Variants in GRM8 observed in about 807,000 individuals in gnomAD.
GRM8 encodes the protein glutamate metabotropic receptor 8.
A neutral mutation model predicts 87.2 loss-of-function variants in GRM8; 47 were observed. The observed-to-expected ratio is 0.54, with a 90% CI of 0.43 to 0.69. The LOEUF is 0.69. GRM8 is among the 30% of genes least tolerant of loss of function. The pLI is 0.00. For synonymous variants in GRM8, 396 were observed against 404.5 expected, an observed-to-expected ratio of 0.98 and a Z score of 0.25; for missense variants, 1,019 against 1,139.2, an observed-to-expected ratio of 0.89 and a Z score of 1.52.
chr7:126,468,078 C>T (rs1274365367), intron 9 of GRM8, among the ~76,000 whole-genome samples: 1 of 151,976 alleles, frequency 6.6e-6, no homozygotes, highest in Non-Finnish European at 1.5e-5. Context: ...TAAGATAATG[C>T]ATATGAAATT....
chr7:126,626,883 T>C (rs1342417981), intron 7 of GRM8, among the ~76,000 whole-genome samples: 1 of 152,138 alleles, frequency 6.6e-6, no homozygotes, highest in Non-Finnish European at 1.5e-5. Context: ...TGTAGAACCG[T>C]CTTAATAATT....
Position 127,012,794 on chromosome 7 carries a change from A to C in GRM8, c.727+93702T>G, listed in dbSNP as rs1432200002. Among the ~76,000 whole-genome samples, 3 of 152,136 alleles carry C rather than the reference A, an allele frequency of 2.0e-5. No homozygotes were observed. In the East Asian group the frequency reaches 5.8e-4, roughly 29 times the overall value. ...TTTTATTCCTTTTACACCTTATTTA[A>C]GGAGAAAATAATATCCTTGCTTCAG... On this transcript the variant is annotated intron_variant, in intron 3 of 10. Transcript: ENST00000339582.
chr7:126,469,991 G>C (rs1804972311), intron 9 of GRM8, among the ~76,000 whole-genome samples: 1 of 152,048 alleles, frequency 6.6e-6, no homozygotes, highest in Non-Finnish European at 1.5e-5. Context: ...CCAAAATGCT[G>C]ACAGTAATAT....
chr7:126,605,603 T>A (rs980641288), intron 8 of GRM8, among the ~76,000 whole-genome samples: 7 of 152,144 alleles, frequency 4.6e-5, no homozygotes, highest in South Asian at 2.1e-4. Flanking sequence ...TTGTACAAAT[T>A]TATACTATGG....
At chr7:126,802,556 C>T (rs1822835227) in intron 6 of GRM8, among the ~76,000 whole-genome samples, 1 of 152,114 alleles carries the variant, frequency 6.6e-6, no homozygotes, top group Admixed American at 6.5e-5. Context: ...GAGCTCCTGT[C>T]ATTTGAAATA....
At chr7:126,615,499 G>A (rs1412649260) in intron 7 of GRM8, among the ~76,000 whole-genome samples, 1 of 152,146 alleles carries the variant, frequency 6.6e-6, no homozygotes, top group Non-Finnish European at 1.5e-5. Flanking sequence ...ACATCATAAT[G>A]ACAGGATCAA....
At chr7:126,472,681 G>A (rs748659132) in intron 9 of GRM8, among the ~76,000 whole-genome samples, 6 of 152,174 alleles carry the variant, frequency 3.9e-5, no homozygotes, top group Non-Finnish European at 8.8e-5. Flanking sequence ...TCACTGCCAC[G>A]ACAATGGGGA....
chr7:126,496,824 T>C (rs1383891719), intron 9 of GRM8, among the ~76,000 whole-genome samples: 2 of 151,830 alleles, frequency 1.3e-5, no homozygotes, highest in Admixed American at 1.3e-4. Context: ...TTTCTCACAT[T>C]GTTCCTCACA....
At chr7:126,849,282 A>C (rs1796986928) in intron 6 of GRM8, among the ~76,000 whole-genome samples, 1 of 150,602 alleles carries the variant, frequency 6.6e-6, no homozygotes, top group Non-Finnish European at 1.5e-5. Flanking sequence ...ATGAGAAAGC[A>C]TATAGGGAAT....
chr7:126,751,639 A>C (rs1344915875), intron 7 of GRM8, among the ~76,000 whole-genome samples: 2 of 152,158 alleles, frequency 1.3e-5, no homozygotes, highest in Non-Finnish European at 2.9e-5. Context: ...GAGGCAAAGG[A>C]AGGCACCATT....
chr7:126,775,574 T>C (rs75434513), intron 6 of GRM8, among the ~76,000 whole-genome samples: 7,557 of 148,774 alleles, frequency 0.051, 281 homozygotes, highest in Middle Eastern at 0.12. Flanking sequence ...AATACAAGCA[T>C]GTTCAATTAT....
chr7:126,468,264 AT>A (rs11304903), intron 9 of GRM8, among the ~76,000 whole-genome samples: 120,171 of 151,850 alleles, frequency 0.79, 47,612 homozygotes, highest in Middle Eastern at 0.88. Context: ...TTGACATAAT[AT>A]TTGAAGGTTT....
intron 7 of GRM8, among the ~76,000 whole-genome samples, chr7:126,727,612 AT>A (rs1585687013): frequency 6.6e-6 from 1 of 152,160 alleles, no homozygotes; most frequent in East Asian, 1.9e-4. Flanking sequence ...TAATTCCAGG[AT>A]CTGGAAAGAA....
chr7:127,227,123 G>A (rs1426322749), intron 2 of GRM8, among the ~76,000 whole-genome samples: 1 of 152,248 alleles, frequency 6.6e-6, no homozygotes, highest in Admixed American at 6.5e-5. Flanking sequence ...AATCGCAAGG[G>A]TTAACAGAGG....
chr7:126,831,398 T>G (rs1015158401), intron 6 of GRM8, among the ~76,000 whole-genome samples: 1 of 152,196 alleles, frequency 6.6e-6, no homozygotes, highest in African/African-American at 2.4e-5. Flanking sequence ...TAAGCAAGCC[T>G]GGGCAATGGC....
In GRM8 at chr7:127,107,661, G is replaced by A. The variant is rs755561332; in HGVS notation, c.511-949C>T. ...GCTAATGTCAGTGCTCAAAGAGGAT[G>A]TCGGAGTTGCAGTTCCATCTTTCCC... On this transcript the variant is annotated intron_variant, in intron 2 of 10. Transcript: ENST00000339582. Among the ~76,000 whole-genome samples, 23 of 152,188 alleles carry A rather than the reference G, an allele frequency of 1.5e-4. 2 individuals carry two copies. The highest frequency in any genetic ancestry group is 1.4e-3 in the Admixed American group (22 of 15,280).
At chr7:126,541,463 T>C (rs1393797177) in intron 8 of GRM8, among the ~76,000 whole-genome samples, 3 of 151,938 alleles carry the variant, frequency 2.0e-5, no homozygotes. Flanking sequence ...TTGTGAGCCA[T>C]TGAGAGGAGT....
chr7:127,148,273 G>A (rs748937735), intron 2 of GRM8, among the ~76,000 whole-genome samples: 3 of 151,884 alleles, frequency 2.0e-5, no homozygotes, highest in Non-Finnish European at 4.4e-5. Context: ...TTCATCAAGA[G>A]GACATGGCTA....
chr7:127,098,860 T>A (rs2132998127), intron 3 of GRM8, among the ~76,000 whole-genome samples: 1 of 152,292 alleles, frequency 6.6e-6, no homozygotes, highest in African/African-American at 2.4e-5. Flanking sequence ...CTTGAAGGCC[T>A]GTCATCTTCA....
Sources: gnomAD v4.1 joint callset for allele counts (sites outside exome capture counted in the v4.1 genomes callset) on GRCh38, gnomAD v4.1.1 for gene constraint, MANE v1.5 for transcripts, NCBI Gene and HGNC (gene_info 2026-07-23, HGNC 2026-07-21) for gene names.